PCDHGA9: variants seen among roughly 807,000 people sequenced by gnomAD.
The protein encoded by PCDHGA9 is protocadherin gamma-A9.
A neutral mutation model predicts 62.5 loss-of-function variants in PCDHGA9; 37 were observed. The observed-to-expected ratio is 0.59, with a 90% CI of 0.46 to 0.78. The LOEUF is 0.78. PCDHGA9 is among the 30% of genes least tolerant of loss of function. PCDHGA9 has a pLI of 0.00. For missense variants in PCDHGA9, 1,138 were observed against 1,166.2 expected, an observed-to-expected ratio of 0.98 and a Z score of 0.35; for synonymous variants, 459 against 484.6, an observed-to-expected ratio of 0.95 and a Z score of 0.69.
At position 141,485,386 on chromosome 5, in the gene PCDHGA9, C is replaced by A. The variant is rs1044608807; in HGVS notation, c.2425-9421C>A. The stretch of plus-strand genomic sequence containing the variant: ...GGCTGCAGGTCGCTGGAGAGGTGAA[C>A]CAAAGACACTTCCGTGTGGATTTGG... On this transcript the variant is annotated intron_variant, in intron 1 of 3. Coordinates refer to ENST00000573521, the MANE Select transcript of PCDHGA9 (RefSeq NM_018921.3). This position sits in a 1 kb window ranked among gnomAD's most constrained non-coding sequence, Gnocchi z 5.7. 1.2e-6 allele frequency: 2 copies of A among 1,614,104 alleles called. No homozygotes were observed. The highest frequency in any genetic ancestry group is 8.5e-7 in the Non-Finnish European group (1 of 1,180,002).
intron 1 of PCDHGA9, among the ~76,000 whole-genome samples, chr5:141,467,950 C>T (rs780236016): frequency 2.6e-5 from 4 of 152,290 alleles, no homozygotes; most frequent in Admixed American, 6.5e-5. Context: ...TGAGCCACCA[C>T]ACCCGGCTGC....
In PCDHGA9 at chr5:141,490,004, CA is replaced by C; in HGVS notation, c.2425-4802del. 1 of 1,614,174 alleles carries C rather than the reference CA, an allele frequency of 6.2e-7. No individual in the cohort carries two copies. Among genetic ancestry groups the C allele is most frequent in the Admixed American group, 1.7e-5 (1 of 60,034 alleles). ...CTACGTGTGGGAATCCCAGAGAATG[CA>C]CCCATTGGTACTCTGCTGCTCCGCC... On this transcript the variant is annotated intron_variant, in intron 1 of 3. Transcript: ENST00000573521. This position sits in a 1 kb window ranked among gnomAD's most constrained non-coding sequence, Gnocchi z 5.4.
chr5:141,506,177 G>T (rs1024892091), intron 3 of PCDHGA9, among the ~76,000 whole-genome samples: 4 of 152,142 alleles, frequency 2.6e-5, no homozygotes, highest in African/African-American at 9.7e-5. Context: ...TAAGCTGGGC[G>T]TGGTGGCTCA....
In PCDHGA9 at chr5:141,489,652, C is replaced by A. The variant is rs767143028; in HGVS notation, c.2425-5155C>A. On this transcript the variant is annotated intron_variant, in intron 1 of 3. Transcript: ENST00000573521. The surrounding 1 kb of genome is among the most constrained non-coding windows in gnomAD (Gnocchi z 4.5). ...CTCTCCTAGCTTTGCCACCCCTGAG[C>A]GAGAGATGCGCATCTCAGAATCAGC... 34 of 1,614,024 alleles carry A rather than the reference C, an allele frequency of 2.1e-5. No homozygotes were observed. The Middle Eastern group carries it at 6.6e-4, about 31-fold the overall frequency.
chr5:141,422,156 T>C, intron 1 of PCDHGA9: 2 of 1,573,504 alleles, frequency 1.3e-6, no homozygotes, highest in Non-Finnish European at 8.6e-7. Flanking sequence ...TCTCTGGATT[T>C]TGAAAAATAT....
At position 141,421,474 on chromosome 5, in the gene PCDHGA9, G is replaced by C. The variant is rs1320526226; in HGVS notation, c.2424+16098G>C. 4 of 1,614,132 alleles carry C rather than the reference G, an allele frequency of 2.5e-6. No homozygotes were observed. The African/African-American group carries it at 5.3e-5, about 21-fold the overall frequency. On this transcript the variant is annotated intron_variant, in intron 1 of 3. Coordinates refer to ENST00000573521, the MANE Select transcript of PCDHGA9 (RefSeq NM_018921.3). ...GCTTTTCGCTGTGAATCCGCGAAGCGGCAGCTTGATCACGGCAGGCAGGAT... is the reference window on the plus strand; with the variant it reads ...GCTTTTCGCTGTGAATCCGCGAAGCCGCAGCTTGATCACGGCAGGCAGGAT...
rs139867523 is a variant in PCDHGA9, at chr5:141,474,274, G to A, written c.2425-20533G>A. 1.2e-4 allele frequency among the ~76,000 whole-genome samples: 19 copies of A among 152,278 alleles called. No homozygotes were observed. In the East Asian group the frequency reaches 3.3e-3, roughly 26 times the overall value. On this transcript the variant is annotated intron_variant, in intron 1 of 3. Coordinates refer to ENST00000573521, the MANE Select transcript of PCDHGA9 (RefSeq NM_018921.3). ...AAGACTGATAAACCAGTGTATCTCT[G>A]AATAACCCACTAGATCAGTGCTTGT...
intron 2 of PCDHGA9, among the ~76,000 whole-genome samples, chr5:141,497,614 A>C (rs1377740795): frequency 6.8e-6 from 1 of 146,530 alleles, no homozygotes; most frequent in African/African-American, 2.6e-5. Context: ...ATCTTGGCTC[A>C]CTGCAACCTC....
At chr5:141,443,467 C>T (rs2098389901) in intron 1 of PCDHGA9, among the ~76,000 whole-genome samples, 2 of 152,156 alleles carry the variant, frequency 1.3e-5, no homozygotes, top group African/African-American at 4.8e-5. Context: ...GTCTGGGTGA[C>T]AGAATTAGAC....
intron 1 of PCDHGA9, chr5:141,413,863 G>A (rs1367797365): frequency 1.9e-6 from 3 of 1,613,356 alleles, no homozygotes; most frequent in Admixed American, 1.7e-5. Flanking sequence ...ATCTGGCACT[G>A]TCCTTGTCAG....
In PCDHGA9 at chr5:141,491,961, G is replaced by A. The variant is rs891299192; in HGVS notation, c.2425-2846G>A. 3 of 970,010 alleles carry A rather than the reference G, an allele frequency of 3.1e-6. No individual in the cohort carries two copies. The highest frequency in any genetic ancestry group is 4.3e-6 in the Non-Finnish European group (3 of 693,098). 60.1% of individuals were successfully genotyped at this position (970,010 alleles called of 1,614,324 possible). On this transcript the variant is annotated intron_variant, in intron 1 of 3. Transcript: ENST00000573521. This position sits in a 1 kb window ranked among gnomAD's most constrained non-coding sequence, Gnocchi z 6.9. ...GACCCCCACCCCTACACTCAAAAAAGGCCGGGGCCTCCTTCGAGCTTCCGG... is the reference window on the plus strand; with the variant it reads ...GACCCCCACCCCTACACTCAAAAAAAGCCGGGGCCTCCTTCGAGCTTCCGG...
At chr5:141,424,668 A>G (rs1561816018) in intron 1 of PCDHGA9, 1 of 152,196 alleles carries the variant, frequency 6.6e-6, no homozygotes, top group Non-Finnish European at 1.5e-5. Flanking sequence ...AATTAAACTG[A>G]TTTAGCTAGT....
At position 141,490,960 on chromosome 5, in the gene PCDHGA9, T is replaced by G. The variant is rs1384140919; in HGVS notation, c.2425-3847T>G. 1.9e-6 allele frequency: 3 copies of G among 1,613,794 alleles called. No individual in the cohort carries two copies. In the Admixed American group the frequency reaches 5.0e-5, roughly 27 times the overall value. On this transcript the variant is annotated intron_variant, in intron 1 of 3. Transcript: ENST00000573521. The surrounding 1 kb of genome is among the most constrained non-coding windows in gnomAD (Gnocchi z 5.4). ...GCACCCACGGCCAGACTGGGAACAC[T>G]CAGCCCCCCAGCGTCTCCCTCGCTC...
intron 1 of PCDHGA9, chr5:141,479,772 G>A (rs904607838): frequency 1.3e-5 from 2 of 152,192 alleles, no homozygotes; most frequent in Non-Finnish European, 2.9e-5. Flanking sequence ...CATATCCTTA[G>A]ACAGGTAAAG....
At chr5:141,409,796 C>T (rs750405889) in intron 1 of PCDHGA9, 1 of 1,611,944 alleles carries the variant, frequency 6.2e-7, no homozygotes, top group Non-Finnish European at 8.5e-7. Context: ...CGCGCTCACG[C>T]TGCAGGCCCG....
Position 141,485,411 on chromosome 5 carries a change from G to C in PCDHGA9, c.2425-9396G>C, listed in dbSNP as rs1412397411. On this transcript the variant is annotated intron_variant, in intron 1 of 3. Coordinates refer to ENST00000573521, the MANE Select transcript of PCDHGA9 (RefSeq NM_018921.3). This position sits in a 1 kb window ranked among gnomAD's most constrained non-coding sequence, Gnocchi z 5.7. The stretch of plus-strand genomic sequence containing the variant: ...CCAAAGACACTTCCGTGTGGATTTG[G>C]ACAGCGGAGCCCTGCTCATCAAGAA... The C allele has an allele frequency of 2.5e-6, 4 of 1,614,054 alleles. No homozygotes were observed. Among genetic ancestry groups the C allele is most frequent in the Non-Finnish European group, 3.4e-6 (4 of 1,180,044 alleles).
At chr5:141,495,236 A>G (rs2099759742) in intron 2 of PCDHGA9, among the ~76,000 whole-genome samples, 1 of 152,168 alleles carries the variant, frequency 6.6e-6, no homozygotes, top group South Asian at 2.1e-4. Flanking sequence ...GGGCTCCATT[A>G]TGACCTGGGG....
chr5:141,494,705 G>C, intron 1 of PCDHGA9, 102 bp from the exon 2 acceptor site: 1 of 1,597,990 alleles, frequency 6.3e-7, no homozygotes, highest in Non-Finnish European at 8.6e-7. Flanking sequence ...TTTCTTCTCT[G>C]TGCCCACTCC....
intron 1 of PCDHGA9, chr5:141,426,946 C>A (rs565370434): frequency 2.2e-6 from 1 of 456,786 alleles, no homozygotes; most frequent in South Asian, 1.5e-5. Flanking sequence ...CCAGTCCCAA[C>A]TGGCACTGCT....
Sources: gnomAD v4.1 joint callset for allele counts (sites outside exome capture counted in the v4.1 genomes callset) on GRCh38, gnomAD v4.1.1 for gene constraint, Gnocchi (gnomAD v3.1) non-coding constraint, MANE v1.5 for transcripts, NCBI Gene and HGNC (gene_info 2026-07-23, HGNC 2026-07-21) for gene names.